NR3C1: variants seen among roughly 807,000 people sequenced by gnomAD.
NR3C1 encodes the protein nuclear receptor subfamily 3 group C member 1.
NR3C1 carries 14 observed loss-of-function variants against 74.0 expected under a neutral mutation model. The ratio of observed to expected loss-of-function variants is 0.19; its 90% CI spans 0.12 to 0.30. NR3C1 has a LOEUF of 0.30. NR3C1 is among the 10% of genes least tolerant of loss of function. NR3C1 has a pLI of 1.00. For synonymous variants in NR3C1, 308 were observed against 332.5 expected (o/e 0.93, Z 0.80); for missense variants, 695 against 909.8 (o/e 0.76, Z 3.04).
At chr5:143,359,392 T>A (rs1481548612) in intron 2 of NR3C1, among the ~76,000 whole-genome samples, 1 of 152,060 alleles carries the variant, frequency 6.6e-6, no homozygotes, top group Non-Finnish European at 1.5e-5. Context: ...CTACAATGAG[T>A]CTCTAGATTT....
At chr5:143,379,961 G>T (rs1318097754) in intron 2 of NR3C1, among the ~76,000 whole-genome samples, 2 of 152,130 alleles carry the variant, frequency 1.3e-5, no homozygotes, top group East Asian at 1.9e-4. Flanking sequence ...AATATGGAAG[G>T]ATACTATTCT....
At chr5:143,408,340 T>G (rs371642957), upstream of NR3C1, among the ~76,000 whole-genome samples, 14 of 152,324 alleles carry the variant, frequency 9.2e-5, no homozygotes, top group East Asian at 2.1e-3. Context: ...TTAAACCAGT[T>G]TGATATATGT....
chr5:143,431,507 G>T (rs967938018), intron 1 of NR3C1, among the ~76,000 whole-genome samples: 2 of 151,674 alleles, frequency 1.3e-5, no homozygotes, highest in African/African-American at 4.8e-5. Context: ...GGGGTGGGGG[G>T]TAAGGGGAGG....
intron 2 of NR3C1, among the ~76,000 whole-genome samples, chr5:143,388,887 G>A (rs187136922): frequency 6.6e-6 from 1 of 152,298 alleles, no homozygotes; most frequent in Non-Finnish European, 1.5e-5. Flanking sequence ...GATATTTGAT[G>A]ACAACATGCA....
At chr5:143,357,370 A>T (rs1305200036) in intron 2 of NR3C1, among the ~76,000 whole-genome samples, 1 of 152,222 alleles carries the variant, frequency 6.6e-6, no homozygotes, top group Non-Finnish European at 1.5e-5. Flanking sequence ...CACTTTGTCA[A>T]TTTAACAAAA....
intron 1 of NR3C1, 82 bp downstream of exon 1, chr5:143,403,129 G>T: frequency 9.9e-6 from 9 of 904,632 alleles, no homozygotes; most frequent in Non-Finnish European, 1.2e-5. Flanking sequence ...AGGCTCCCGC[G>T]GCGGCCCCCG....
At chr5:143,301,915 T>C (rs1239935146) in intron 4 of NR3C1, among the ~76,000 whole-genome samples, 3 of 152,250 alleles carry the variant, frequency 2.0e-5, no homozygotes, top group East Asian at 3.9e-4. Context: ...ATTCTTATTG[T>C]GTTCTATACT....
rs532054580 is a variant in NR3C1, at chr5:143,340,724, G to A, written c.1185-26556C>T. On this transcript the variant is annotated intron_variant, in intron 2 of 8. Coordinates refer to ENST00000394464, the MANE Select transcript of NR3C1 (RefSeq NM_000176.3). ...TCTTGAACTCCTGACCTCGTGATCC[G>A]CCCGGCTTGGCCTCCCAAAGTGCTG... 3.9e-5 allele frequency among the ~76,000 whole-genome samples: 6 copies of A among 152,022 alleles called. No individual in the cohort carries two copies. The South Asian group carries it at 6.2e-4, about 16-fold the overall frequency.
chr5:143,400,907 T>C (rs1381600214), intron 1 of NR3C1, 55 bp from the exon 2 acceptor site: 2 of 1,337,996 alleles, frequency 1.5e-6, no homozygotes, highest in African/African-American at 1.4e-5. Context: ...TAAAGTCACA[T>C]TATCTTCCTG....
chr5:143,394,595 GA>G (rs1561766460), intron 2 of NR3C1, among the ~76,000 whole-genome samples: 3 of 151,806 alleles, frequency 2.0e-5, no homozygotes, highest in Admixed American at 6.6e-5. Context: ...ATAAAAATGA[GA>G]AAAATATGAA....
At chr5:143,401,680 G>A (rs1840312085) in intron 1 of NR3C1, among the ~76,000 whole-genome samples, 1 of 152,138 alleles carries the variant, frequency 6.6e-6, no homozygotes, top group African/African-American at 2.4e-5. Flanking sequence ...TCTAGATTAA[G>A]CTACATTTGT....
At chr5:143,402,306 C>G (rs1402372176) in intron 1 of NR3C1, among the ~76,000 whole-genome samples, 1 of 152,268 alleles carries the variant, frequency 6.6e-6, no homozygotes, top group East Asian at 1.9e-4. Flanking sequence ...CGACATTATC[C>G]CCCAGTTTAA....
intron 2 of NR3C1, among the ~76,000 whole-genome samples, chr5:143,382,488 C>T (rs1836434579): frequency 6.6e-6 from 1 of 152,186 alleles, no homozygotes; most frequent in Admixed American, 6.5e-5. Flanking sequence ...TCTTAAAACA[C>T]ATCACTAAAA....
intron 2 of NR3C1, among the ~76,000 whole-genome samples, chr5:143,338,273 A>G (rs985088311): frequency 2.0e-5 from 3 of 152,176 alleles, no homozygotes; most frequent in Admixed American, 2.0e-4. Context: ...ATGATAATAA[A>G]TGACTATGTT....
chr5:143,361,352 T>C (rs1832199018), intron 2 of NR3C1, among the ~76,000 whole-genome samples: 1 of 152,228 alleles, frequency 6.6e-6, no homozygotes, highest in South Asian at 2.1e-4. Context: ...CCAACATTCT[T>C]AACACTAGTA....
chr5:143,311,073 C>T (rs1820845663), intron 3 of NR3C1, among the ~76,000 whole-genome samples: 1 of 152,194 alleles, frequency 6.6e-6, no homozygotes, highest in African/African-American at 2.4e-5. Flanking sequence ...CACCTTTGTT[C>T]AGAGCTGCTC....
At chr5:143,404,342 AG>A (rs1423722952), upstream of NR3C1, 2 of 985,406 alleles carry the variant, frequency 2.0e-6, no homozygotes, top group Non-Finnish European at 1.2e-6. Flanking sequence ...GCTTCAGGGA[AG>A]GGACGGGATA....
intron 2 of NR3C1, among the ~76,000 whole-genome samples, chr5:143,358,450 G>A (rs948735889): frequency 6.6e-6 from 1 of 151,986 alleles, no homozygotes; most frequent in Non-Finnish European, 1.5e-5. Context: ...CTAATATCTG[G>A]TACCATTAAA....
At chr5:143,290,530 A>C (rs1815645501) in intron 7 of NR3C1, among the ~76,000 whole-genome samples, 1 of 152,190 alleles carries the variant, frequency 6.6e-6, no homozygotes, top group Non-Finnish European at 1.5e-5. Context: ...GATTATTTCT[A>C]AAATCCTGTC....
Sources: allele counts gnomAD v4.1 joint callset (sites outside exome capture counted in the v4.1 genomes callset), GRCh38; gene constraint gnomAD v4.1.1; transcripts MANE v1.5; gene names NCBI Gene and HGNC (gene_info 2026-07-23, HGNC 2026-07-21).